Variants in HLCS observed in about 807,000 individuals in gnomAD.
HLCS encodes the protein holocarboxylase synthetase, also known as biotin--protein ligase.
Under a neutral mutation model 75.0 loss-of-function variants are expected in HLCS, and 53 were observed. The observed-to-expected ratio is 0.71, with a 90% CI of 0.57 to 0.89. HLCS has a LOEUF of 0.89. Ranked by LOEUF, HLCS falls within the 40% of genes least tolerant of loss-of-function variation. The probability of loss-of-function intolerance (pLI) is 0.00; values close to 1 mark genes in which losing one functional copy is unlikely to be tolerated. For synonymous variants in HLCS, 431 were observed against 428.6 expected, an observed-to-expected ratio of 1.01 and a Z score of -0.07; for missense variants, 966 against 1,074.0, an observed-to-expected ratio of 0.90 and a Z score of 1.41.
At chr21:36,822,859 T>C (rs902594548) in intron 6 of HLCS, among the ~76,000 whole-genome samples, 1 of 152,198 alleles carries the variant, frequency 6.6e-6, no homozygotes, top group Non-Finnish European at 1.5e-5. Context: ...TAAAGCAAGA[T>C]AACTAATTTT....
chr21:36,933,234 A>C (rs1266412769), intron 4 of HLCS, among the ~76,000 whole-genome samples: 1 of 152,134 alleles, frequency 6.6e-6, no homozygotes, highest in East Asian at 1.9e-4. Context: ...TGAGGATGCC[A>C]ATCATGGGAC....
intron 6 of HLCS, among the ~76,000 whole-genome samples, chr21:36,791,318 G>T (rs1392062498): frequency 6.6e-6 from 1 of 152,204 alleles, no homozygotes; most frequent in Admixed American, 6.5e-5. Context: ...GCTCTGGGCA[G>T]CGGTGACTGT....
At chr21:36,887,079 A>G (rs956363620) in intron 6 of HLCS, among the ~76,000 whole-genome samples, 3 of 151,692 alleles carry the variant, frequency 2.0e-5, no homozygotes, top group Non-Finnish European at 4.4e-5. Context: ...GCAGTGAGCC[A>G]AGATCCTGCC....
chr21:36,827,919 T>C (rs2062064589), intron 6 of HLCS, among the ~76,000 whole-genome samples: 1 of 151,360 alleles, frequency 6.6e-6, no homozygotes, highest in Non-Finnish European at 1.5e-5. Flanking sequence ...GTTCACACCA[T>C]TCTCCTGCCT....
intron 1 of HLCS, among the ~76,000 whole-genome samples, chr21:36,977,178 A>G (rs1219263958): frequency 6.6e-6 from 1 of 152,038 alleles, no homozygotes; most frequent in Non-Finnish European, 1.5e-5. Context: ...CTCTGTTAAA[A>G]GCAAATTTAT....
chr21:36,787,609 G>T (rs530448299), intron 6 of HLCS, among the ~76,000 whole-genome samples: 78 of 152,252 alleles, frequency 5.1e-4, no homozygotes, highest in African/African-American at 1.9e-3. Context: ...GGACATGATG[G>T]AAAGCTCCTT....
intron 6 of HLCS, among the ~76,000 whole-genome samples, chr21:36,843,315 G>A (rs1383459663): frequency 6.6e-6 from 1 of 152,110 alleles, no homozygotes; most frequent in Non-Finnish European, 1.5e-5. Flanking sequence ...GCATGTCCCT[G>A]TAGTCCCAGC....
chr21:36,876,802 T>C (rs1156640250), intron 6 of HLCS, among the ~76,000 whole-genome samples: 1 of 152,178 alleles, frequency 6.6e-6, no homozygotes, highest in Non-Finnish European at 1.5e-5. Context: ...TATCTATGTT[T>C]TTCATGATTT....
At chr21:36,877,479 G>C (rs894442698) in intron 6 of HLCS, among the ~76,000 whole-genome samples, 1 of 151,794 alleles carries the variant, frequency 6.6e-6, no homozygotes, top group Non-Finnish European at 1.5e-5. Context: ...CATTAATATT[G>C]TACCATGTCA....
rs749120965 is a variant in HLCS at position 36,765,107 on chromosome 21, G to C, written c.2026C>G (p.Pro676Ala). ...CALSTLLISI[P>A]LRSQLGQRIP... is the part of the protein sequence containing the mutation. Reference sequence around the variant, plus strand: ...CTCTGTCCCAGCTGGGATCTCAGTGGAATGGAGATGAGCAGAGTAGAAAGA... The same window carrying C: ...CTCTGTCCCAGCTGGGATCTCAGTGCAATGGAGATGAGCAGAGTAGAAAGA... The change falls in exon 8 of 11, where the codon CCA becomes GCA. Residue 676 changes from proline (P) to alanine (A), a missense_variant. Physicochemically the swap from Pro to Ala is conservative, Grantham distance 27. Coordinates refer to ENST00000674895, the MANE Select transcript of HLCS (RefSeq NM_001352514.2). The C allele has an allele frequency of 1.2e-6, 2 of 1,614,074 alleles. No individual in the cohort carries two copies. The highest frequency in any genetic ancestry group is 3.3e-5 in the Admixed American group (2 of 60,032).
chr21:36,988,796 G>A (rs552772707), intron 1 of HLCS, among the ~76,000 whole-genome samples: 15 of 152,178 alleles, frequency 9.9e-5, no homozygotes, highest in African/African-American at 3.4e-4. Context: ...TGGGAGAAAC[G>A]GAACATCTTT....
At chr21:36,756,977 CT>C (rs2089628550) in intron 9 of HLCS, 25 of 984,184 alleles carry the variant, frequency 2.5e-5, no homozygotes, top group Non-Finnish European at 2.9e-5. Context: ...CCATCTCAAC[CT>C]TACTGCAAAT....
intron 6 of HLCS, among the ~76,000 whole-genome samples, chr21:36,833,774 A>C (rs2835477): frequency 1.3e-5 from 2 of 151,760 alleles, no homozygotes; most frequent in African/African-American, 4.8e-5. Flanking sequence ...GCAAGTGGTA[A>C]AGGAGCCAAA....
chr21:36,767,144 T>C, intron 7 of HLCS, 74 bp downstream of exon 7: 11 of 1,429,914 alleles, frequency 7.7e-6, no homozygotes, highest in Non-Finnish European at 9.9e-6. Context: ...ACACATTCAA[T>C]GGGCTCCTGG....
At chr21:36,894,155 C>T (rs1315517408) in intron 6 of HLCS, among the ~76,000 whole-genome samples, 1 of 152,142 alleles carries the variant, frequency 6.6e-6, no homozygotes, top group Non-Finnish European at 1.5e-5. Flanking sequence ...TCCTCCTGCT[C>T]CCATCATGTA....
intron 6 of HLCS, among the ~76,000 whole-genome samples, chr21:36,831,465 A>T (rs1386432821): frequency 6.6e-6 from 1 of 152,308 alleles, no homozygotes; most frequent in East Asian, 1.9e-4. Flanking sequence ...AGATCACTAC[A>T]GGTCAGGAGT....
At chr21:36,949,333 A>T (rs7280892) in intron 2 of HLCS, among the ~76,000 whole-genome samples, 1 of 152,116 alleles carries the variant, frequency 6.6e-6, no homozygotes, top group African/African-American at 2.4e-5. Context: ...TCTGTCACTG[A>T]GCTGGAGCTG....
chr21:36,769,187 T>G (rs1195999820), intron 6 of HLCS, among the ~76,000 whole-genome samples: 1 of 152,150 alleles, frequency 6.6e-6, no homozygotes, highest in South Asian at 2.1e-4. Context: ...TGGCAGCAGT[T>G]AACAGGGCAT....
chr21:36,937,070 GGCAGAC>G lies in HLCS; in HGVS notation c.810_815del (p.Ser271_Ala272del). 2 of 1,614,080 alleles carry G rather than the reference GGCAGAC, an allele frequency of 1.2e-6. No individual in the cohort carries two copies. Among genetic ancestry groups the G allele is most frequent in the Non-Finnish European group, 1.7e-6 (2 of 1,180,020 alleles). On this transcript the variant is annotated inframe_deletion, in exon 4 of 11. Coordinates refer to ENST00000674895, the MANE Select transcript of HLCS (RefSeq NM_001352514.2). ...CGTAGGGAAGGTCTGGAATGTTCTCGGCAGACGCAAACTTGACTGACTCAATGGTGC... is the reference window on the plus strand; with the variant it reads ...CGTAGGGAAGGTCTGGAATGTTCTCGGCAAACTTGACTGACTCAATGGTGC...
Sources: gnomAD v4.1 joint callset for allele counts (sites outside exome capture counted in the v4.1 genomes callset) on GRCh38, gnomAD v4.1.1 for gene constraint, MANE v1.5 for transcripts, NCBI Gene and HGNC (gene_info 2026-07-23, HGNC 2026-07-21) for gene names.